KCNH8: variants seen among roughly 807,000 people sequenced by gnomAD.
The protein encoded by KCNH8 is voltage-gated delayed rectifier potassium channel KCNH8.
A neutral mutation model predicts 103.6 loss-of-function variants in KCNH8; 70 were observed. The observed-to-expected ratio is 0.68, with a 90% confidence interval of 0.56 to 0.82. The LOEUF is 0.82. Ranked by LOEUF, KCNH8 falls within the 40% of genes least tolerant of loss-of-function variation. KCNH8 has a pLI of 0.00. For synonymous variants in KCNH8, 498 were observed against 489.4 expected (o/e 1.02, Z -0.23); for missense variants, 1,217 against 1,329.9 (o/e 0.92, Z 1.32).
At chr3:19,478,272 T>C (rs2068017408) in intron 11 of KCNH8, among the ~76,000 whole-genome samples, 1 of 152,068 alleles carries the variant, frequency 6.6e-6, no homozygotes, top group Non-Finnish European at 1.5e-5. Context: ...TTTGATGTAA[T>C]GATTTCCTGC....
intron 3 of KCNH8, among the ~76,000 whole-genome samples, chr3:19,319,462 A>T (rs892503407): frequency 6.6e-6 from 1 of 152,012 alleles, no homozygotes; most frequent in African/African-American, 2.4e-5. Flanking sequence ...TTTGTTGAAG[A>T]TCAGTTGGCT....
chr3:19,506,589 A>C (rs569597010), intron 11 of KCNH8, among the ~76,000 whole-genome samples: 1 of 151,576 alleles, frequency 6.6e-6, no homozygotes, highest in Admixed American at 6.6e-5. Flanking sequence ...CTCCTCTCCC[A>C]CTTGAGGGCT....
At chr3:19,318,146 A>T (rs1264874392) in intron 3 of KCNH8, among the ~76,000 whole-genome samples, 1 of 151,910 alleles carries the variant, frequency 6.6e-6, no homozygotes, top group Admixed American at 6.6e-5. Flanking sequence ...TACAAAACAA[A>T]TGTGCAAAAG....
At chr3:19,402,426 G>T (rs897895362) in intron 7 of KCNH8, among the ~76,000 whole-genome samples, 7 of 151,758 alleles carry the variant, frequency 4.6e-5, no homozygotes, top group African/African-American at 1.7e-4. Context: ...ACAAAATGGA[G>T]ATAAAAATGC....
intron 5 of KCNH8, among the ~76,000 whole-genome samples, chr3:19,349,671 CAGATG>C (rs2065773455): frequency 6.6e-6 from 1 of 152,070 alleles, no homozygotes; most frequent in Non-Finnish European, 1.5e-5. Context: ...TGTTCATTAG[CAGATG>C]ATGACTGACT....
At chr3:19,341,238 A>G (rs1575540344) in intron 3 of KCNH8, among the ~76,000 whole-genome samples, 1 of 152,098 alleles carries the variant, frequency 6.6e-6, no homozygotes, top group East Asian at 1.9e-4. Context: ...TATACTGGTT[A>G]AACTCCACCA....
At chr3:19,414,693 A>G (rs2066836299) in intron 7 of KCNH8, among the ~76,000 whole-genome samples, 1 of 152,092 alleles carries the variant, frequency 6.6e-6, no homozygotes. Context: ...TATTATGCTT[A>G]CACTTATTGA....
intron 11 of KCNH8, among the ~76,000 whole-genome samples, chr3:19,504,436 CA>C (rs1444375759): frequency 6.6e-6 from 1 of 152,044 alleles, no homozygotes; most frequent in Non-Finnish European, 1.5e-5. Context: ...TTGCATCTAA[CA>C]AAGGTCTAAT....
chr3:19,492,940 C>T (rs960328774), intron 11 of KCNH8, among the ~76,000 whole-genome samples: 9 of 150,990 alleles, frequency 6.0e-5, no homozygotes, highest in African/African-American at 1.2e-4. Context: ...GATCCTCCAC[C>T]TCTTTGATTA....
rs1377371407 is a variant in KCNH8 at position 19,533,746 on chromosome 3, C to A, written c.2971C>A (p.Leu991Ile). 2 of 1,614,186 alleles carry A rather than the reference C, an allele frequency of 1.2e-6. No homozygotes were observed. Reference sequence around the variant, plus strand: ...CAGTGAACTTTATCATTCTCCAAGCCTTGATTATTCACCTTCCCACTACCA... The same window carrying A: ...CAGTGAACTTTATCATTCTCCAAGCATTGATTATTCACCTTCCCACTACCA... The part of the protein sequence containing the change: ...ADSELYHSPS[L>I]DYSPSHYQVV... Residue 991 changes from leucine to isoleucine, a missense_variant, in exon 16 of 16, where the codon CTT becomes ATT. By Grantham distance (5) the Leu-to-Ile change is conservative. Transcript: ENST00000328405.
At chr3:19,529,162 G>C (rs573479719) in intron 15 of KCNH8, among the ~76,000 whole-genome samples, 11 of 152,092 alleles carry the variant, frequency 7.2e-5, no homozygotes, top group African/African-American at 2.7e-4. Flanking sequence ...GTTTGTGAAG[G>C]GCTTTGTATT....
Position 19,269,479 on chromosome 3 carries a change from A to T in KCNH8, c.311-11719A>T, listed in dbSNP as rs183002681. On this transcript the variant is annotated intron_variant, in intron 2 of 15. Coordinates refer to ENST00000328405, the MANE Select transcript of KCNH8 (RefSeq NM_144633.3). ...TAAACTCAGAATGTGTTTTGAGATT[A>T]AAAAAGTCGCTGACCACCTAAGATT... Among the ~76,000 whole-genome samples, 101 of 152,246 alleles carry T rather than the reference A, an allele frequency of 6.6e-4. 1 individual carries two copies. In the Middle Eastern group the frequency reaches 0.024, roughly 36 times the overall value.
In KCNH8 at chr3:19,462,255, C is replaced by T. The variant is rs151249283; in HGVS notation, c.2040+5273C>T. Among the ~76,000 whole-genome samples the T allele has an allele frequency of 1.2e-3, 178 of 152,292 alleles. 2 individuals are homozygous for T. In the East Asian group the frequency reaches 0.022, roughly 19 times the overall value. On this transcript the variant is annotated intron_variant, in intron 11 of 15. Coordinates refer to ENST00000328405, the MANE Select transcript of KCNH8 (RefSeq NM_144633.3). ...ATGGTTGAACTAGTTTACAGTCACACCAACAGTGTAAAAGTGTTCCTATTT... is the reference window on the plus strand; with the variant it reads ...ATGGTTGAACTAGTTTACAGTCACATCAACAGTGTAAAAGTGTTCCTATTT...
chr3:19,528,045 A>C (rs1044026357), intron 15 of KCNH8, among the ~76,000 whole-genome samples: 3 of 151,996 alleles, frequency 2.0e-5, no homozygotes, highest in African/African-American at 7.2e-5. Flanking sequence ...AACAGTTTTA[A>C]ATTCCAGGCT....
chr3:19,200,302 A>G (rs2063644618), intron 1 of KCNH8, among the ~76,000 whole-genome samples: 1 of 152,104 alleles, frequency 6.6e-6, no homozygotes, highest in Admixed American at 6.6e-5. Context: ...ATAAGCACAA[A>G]TAACTGGTAG....
intron 3 of KCNH8, among the ~76,000 whole-genome samples, chr3:19,338,071 ATAATT>A (rs2065609443): frequency 6.6e-6 from 1 of 152,082 alleles, no homozygotes; most frequent in Non-Finnish European, 1.5e-5. Flanking sequence ...GCTTTGAAAA[ATAATT>A]TAGGCTTTTT....
intron 1 of KCNH8, among the ~76,000 whole-genome samples, chr3:19,153,092 A>AC (rs566572768): frequency 1.2e-4 from 19 of 152,278 alleles, no homozygotes; most frequent in African/African-American, 4.6e-4. Flanking sequence ...AGGATAATGT[A>AC]CCCATTATCA....
At chr3:19,525,322 C>A (rs2069046096) in intron 15 of KCNH8, among the ~76,000 whole-genome samples, 2 of 151,906 alleles carry the variant, frequency 1.3e-5, no homozygotes, top group South Asian at 4.1e-4. Context: ...AATGCAGAAT[C>A]TCAGGCCCCG....
At chr3:19,422,229 A>C (rs1004296211) in intron 7 of KCNH8, among the ~76,000 whole-genome samples, 1 of 152,144 alleles carries the variant, frequency 6.6e-6, no homozygotes, top group Non-Finnish European at 1.5e-5. Context: ...TGTACAGATC[A>C]TGGTATTTTA....
Sources: gnomAD v4.1 joint callset for allele counts (sites outside exome capture counted in the v4.1 genomes callset) on GRCh38, gnomAD v4.1.1 for gene constraint, MANE v1.5 for transcripts, NCBI Gene and HGNC (gene_info 2026-07-23, HGNC 2026-07-21) for gene names.